TPTE2: variants seen among roughly 807,000 people sequenced by gnomAD.
The protein encoded by TPTE2 is phosphatidylinositol 3,4,5-trisphosphate 3-phosphatase TPTE2.
In TPTE2, 53 loss-of-function variants were observed where a neutral mutation model predicts 78.6. The ratio of observed to expected loss-of-function variants is 0.67; its 90% CI spans 0.54 to 0.85. The LOEUF (loss-of-function observed/expected upper bound fraction) is 0.85, where lower values mean the gene tolerates loss of function less well. Ranked by LOEUF, TPTE2 falls within the 40% of genes least tolerant of loss-of-function variation. TPTE2 has a pLI of 0.00. For missense variants in TPTE2, 461 were observed against 623.0 expected (o/e 0.74, Z 2.77); for synonymous variants, 175 against 206.2 (o/e 0.85, Z 1.30).
the TPTE2 span, among the ~76,000 whole-genome samples, chr13:19,548,404 A>G: frequency 6.7e-6 from 1 of 149,090 alleles, no homozygotes; most frequent in Non-Finnish European, 1.5e-5. Context: ...TCCACACTAT[A>G]CTTGCCCAAA....
the TPTE2 span, among the ~76,000 whole-genome samples, chr13:19,544,934 TCACA>T: frequency 0.49 from 68,941 of 142,076 alleles, 18,098 homozygotes; most frequent in East Asian, 0.63. Context: ...ACGTGCACAC[TCACA>T]CACACACACA....
At chr13:19,428,855 G>C (rs182882955) in intron 17 of TPTE2, among the ~76,000 whole-genome samples, 7 of 152,248 alleles carry the variant, frequency 4.6e-5, no homozygotes, top group Admixed American at 4.6e-4. Flanking sequence ...AGCTACTGAT[G>C]GAAAAAAGCT....
In TPTE2 at chr13:19,535,002, G is replaced by A. The variant is rs1418569947; in HGVS notation, c.-44+1594C>T. On this transcript the variant is annotated intron_variant, in intron 1 of 17. Transcript: ENST00000390680. The surrounding 1 kb of genome is among the most constrained non-coding windows in gnomAD (Gnocchi z 5.1). ...TGTTATCACTTGAGGTCAGGAGTTCGAGACCAGCCTGGCCAACATCGTGAA... is the reference window on the plus strand; with the variant it reads ...TGTTATCACTTGAGGTCAGGAGTTCAAGACCAGCCTGGCCAACATCGTGAA... Among the ~76,000 whole-genome samples, 1 of 152,012 alleles carries A rather than the reference G, an allele frequency of 6.6e-6. No individual in the cohort carries two copies. The highest frequency in any genetic ancestry group is 1.9e-4 in the East Asian group (1 of 5,174).
upstream of TPTE2, among the ~76,000 whole-genome samples, chr13:19,507,154 A>T (rs577209143): frequency 2.0e-5 from 3 of 152,164 alleles, no homozygotes; most frequent in South Asian, 4.2e-4. Context: ...ATCACTGAGG[A>T]CTCCATCATG....
upstream of TPTE2, chr13:19,503,409 G>A: frequency 1.1e-6 from 1 of 896,312 alleles, no homozygotes; most frequent in Non-Finnish European, 1.7e-6. Flanking sequence ...AGCACTATTT[G>A]GTCTGAAATG....
At chr13:19,468,781 C>T (rs576028393) in intron 6 of TPTE2, among the ~76,000 whole-genome samples, 3 of 152,326 alleles carry the variant, frequency 2.0e-5, no homozygotes, top group South Asian at 2.1e-4. Flanking sequence ...TGATGTTAAG[C>T]ATCTCTTGAT....
chr13:19,470,097 T>C (rs561056071), intron 6 of TPTE2, among the ~76,000 whole-genome samples: 142 of 152,322 alleles, frequency 9.3e-4, no homozygotes, highest in African/African-American at 3.2e-3. Context: ...GGCATCCTCA[T>C]TGTGTTCTAG....
chr13:19,509,833 G>A (rs1869313383), intron 1 of TPTE2, among the ~76,000 whole-genome samples: 1 of 152,116 alleles, frequency 6.6e-6, no homozygotes, highest in Admixed American at 6.6e-5. Flanking sequence ...TGTCATTGAT[G>A]ATGATTATAT....
rs1877095487 is a variant in TPTE2 at position 19,436,435 on chromosome 13, T to C, written c.1036-129A>G. On this transcript the variant is annotated intron_variant, in intron 14 of 19. Transcript: ENST00000400230. ...TGATTTTGTTTGTTTGTTTTTTTGG[T>C]AGAGTCTTGCTCTGCAACCCAGACT... The C allele has an allele frequency of 1.5e-5, 13 of 883,046 alleles. No individual in the cohort carries two copies. In the South Asian group the frequency reaches 1.9e-4, roughly 13 times the overall value. 54.7% of individuals were successfully genotyped at this position (883,046 alleles called of 1,614,324 possible). A position where few individuals can be genotyped will look rare whatever the true frequency, so the allele number is the denominator to read the frequency against.
At chr13:19,438,978 G>A (rs1431867216) in intron 13 of TPTE2, among the ~76,000 whole-genome samples, 1 of 152,124 alleles carries the variant, frequency 6.6e-6, no homozygotes. Flanking sequence ...TTTCTCCCAA[G>A]CCTTGGAGCT....
intron 10 of TPTE2, among the ~76,000 whole-genome samples, chr13:19,453,817 T>G (rs1313030453): frequency 1.3e-5 from 2 of 152,146 alleles, no homozygotes; most frequent in African/African-American, 4.8e-5. Flanking sequence ...ATTGTAGGAA[T>G]GTAGGTAATT....
intron 16 of TPTE2, among the ~76,000 whole-genome samples, chr13:19,430,883 T>C (rs1876534884): frequency 1.3e-5 from 2 of 152,062 alleles, no homozygotes; most frequent in South Asian, 4.1e-4. Context: ...TCCTAGCACT[T>C]TGGGAGGGCG....
At chr13:19,545,533 C>CA in the TPTE2 span, among the ~76,000 whole-genome samples, 1 of 152,184 alleles carries the variant, frequency 6.6e-6, no homozygotes, top group Non-Finnish European at 1.5e-5. Flanking sequence ...CCTTTTCCCC[C>CA]ATCCAGTTCT....
chr13:19,521,015 G>A (rs1418021001), intron 1 of TPTE2, among the ~76,000 whole-genome samples: 2 of 151,924 alleles, frequency 1.3e-5, no homozygotes, highest in Admixed American at 6.6e-5. Context: ...CCTAGCATAT[G>A]GTCTTTCCTG....
chr13:19,503,105 G>T, intron 1 of TPTE2, 119 bp downstream of exon 4: 1 of 1,415,072 alleles, frequency 7.1e-7, no homozygotes, highest in East Asian at 2.4e-5. Context: ...TGGGAGAAGT[G>T]TGTATGGATG....
upstream of TPTE2, among the ~76,000 whole-genome samples, chr13:19,507,795 A>G (rs1321268045): frequency 6.6e-6 from 1 of 152,198 alleles, no homozygotes; most frequent in East Asian, 1.9e-4. Flanking sequence ...ATCCAGCTGT[A>G]CCCAGTTGTA....
chr13:19,558,109 A>G, the TPTE2 span, among the ~76,000 whole-genome samples: 32 of 152,372 alleles, frequency 2.1e-4, no homozygotes, highest in Middle Eastern at 3.4e-3. Flanking sequence ...TAGACTGCTA[A>G]TTGAAGAAGT....
chr13:19,452,055 T>C, intron 10 of TPTE2, among the ~76,000 whole-genome samples: 1 of 152,070 alleles, frequency 6.6e-6, no homozygotes, highest in Admixed American at 6.6e-5. Flanking sequence ...GGCTTAATAT[T>C]GAGAAAAATA....
At chr13:19,464,842 T>C (rs1879161784) in intron 9 of TPTE2, among the ~76,000 whole-genome samples, 1 of 152,226 alleles carries the variant, frequency 6.6e-6, no homozygotes, top group Admixed American at 6.5e-5. Context: ...CCAAGATTTC[T>C]GGGCACCAGT....
Sources: allele counts gnomAD v4.1 joint callset (sites outside exome capture counted in the v4.1 genomes callset), GRCh38; gene constraint gnomAD v4.1.1; non-coding constraint Gnocchi (gnomAD v3.1); transcripts MANE v1.5; gene names NCBI Gene and HGNC (gene_info 2026-07-23, HGNC 2026-07-21).